INSL6: variants seen among roughly 807,000 people sequenced by gnomAD.
INSL6 encodes insulin-like peptide INSL6.
In INSL6, 16 loss-of-function variants were observed where a neutral mutation model predicts 9.4. The ratio of observed to expected loss-of-function variants is 1.70; its 90% CI spans 1.15 to 2.59. INSL6 has a LOEUF of 2.59. Ranked by LOEUF, INSL6 falls within the 30% of genes most tolerant of loss-of-function variation. The pLI, the probability that INSL6 is intolerant of heterozygous loss-of-function variation, is 0.00. For synonymous variants in INSL6, 154 were observed against 96.9 expected (o/e 1.59, Z -3.46); for missense variants, 391 against 257.3 (o/e 1.52, Z -3.56).
chr9:5,178,744 CA>C (rs903483957), intron 1 of INSL6, among the ~76,000 whole-genome samples: 1 of 152,060 alleles, frequency 6.6e-6, no homozygotes, highest in Non-Finnish European at 1.5e-5. Context: ...ACAAACCTGA[CA>C]AAAACAAGCA....
At chr9:5,087,594 C>A in the INSL6 span, among the ~76,000 whole-genome samples, 1 of 152,230 alleles carries the variant, frequency 6.6e-6, no homozygotes, top group East Asian at 1.9e-4. Context: ...TAGAGGCATT[C>A]CGAATTAAAA....
chr9:5,089,470 G>A, the INSL6 span, among the ~76,000 whole-genome samples: 18 of 150,520 alleles, frequency 1.2e-4, no homozygotes, highest in African/African-American at 2.4e-4. Flanking sequence ...CCCAGGGGGC[G>A]GAGCTTGCAG....
At chr9:5,126,948 A>G (rs1462952172) in intron 3 of INSL6, 2 of 415,994 alleles carry the variant, frequency 4.8e-6, no homozygotes, top group Non-Finnish European at 8.4e-6. Flanking sequence ...TTCAAAGTTT[A>G]GTAAGTTTTT....
intron 1 of INSL6, among the ~76,000 whole-genome samples, chr9:5,183,561 A>G (rs1360089122): frequency 1.3e-5 from 2 of 152,242 alleles, no homozygotes; most frequent in Non-Finnish European, 2.9e-5. Flanking sequence ...AACTGTCTTT[A>G]GAGCACTTTG....
intron 2 of INSL6, among the ~76,000 whole-genome samples, chr9:5,154,562 G>C (rs1176874462): frequency 6.6e-6 from 1 of 152,114 alleles, no homozygotes; most frequent in East Asian, 1.9e-4. Context: ...GAAAATTTTT[G>C]CAATCTACTC....
the INSL6 span, among the ~76,000 whole-genome samples, chr9:5,007,125 C>T: frequency 2.0e-5 from 3 of 151,764 alleles, no homozygotes; most frequent in African/African-American, 7.3e-5. Context: ...TCTCTGATTT[C>T]TGCTCTTAAG....
chr9:5,087,292 C>A, the INSL6 span, among the ~76,000 whole-genome samples: 2 of 152,138 alleles, frequency 1.3e-5, no homozygotes, highest in Non-Finnish European at 2.9e-5. Context: ...TGAGTGCCAG[C>A]AGGAGAAATG....
At chr9:5,059,936 T>A in the INSL6 span, among the ~76,000 whole-genome samples, 18 of 152,296 alleles carry the variant, frequency 1.2e-4, no homozygotes, top group African/African-American at 4.1e-4. Context: ...AGATTCTAAG[T>A]CTTTTGTAGG....
the INSL6 span, chr9:5,069,069 G>C: frequency 4.4e-6 from 7 of 1,604,804 alleles, no homozygotes; most frequent in Admixed American, 1.2e-4. Context: ...CAAAAAATGA[G>C]AATGAAGAGT....
downstream of INSL6, among the ~76,000 whole-genome samples, chr9:5,120,638 G>T (rs1420511407): frequency 6.6e-6 from 1 of 152,102 alleles, no homozygotes; most frequent in Non-Finnish European, 1.5e-5. Context: ...GTACCCATTG[G>T]ATGATCTTTG....
the INSL6 span, chr9:5,054,522 T>A: frequency 6.9e-7 from 1 of 1,441,356 alleles, no homozygotes; most frequent in Non-Finnish European, 9.4e-7. The surrounding 1 kb of genome is among the most constrained non-coding windows in gnomAD (Gnocchi z 4.9). Flanking sequence ...TTCCAATTTT[T>A]GTTTTGTTTT....
At chr9:5,126,960 T>C (rs949785584) in intron 3 of INSL6, 2 of 393,512 alleles carry the variant, frequency 5.1e-6, no homozygotes, top group Non-Finnish European at 9.0e-6. Flanking sequence ...TAAGTTTTTC[T>C]TCATGAGGCC....
the INSL6 span, chr9:5,089,532 C>T: frequency 1.0e-4 from 33 of 325,406 alleles, no homozygotes; most frequent in African/African-American, 8.9e-4. Flanking sequence ...AGCGAGACTT[C>T]GTCTCAAAAA....
At chr9:5,081,778 C>T in the INSL6 span, 890 of 1,604,920 alleles carry the variant, frequency 5.5e-4, no homozygotes, top group Non-Finnish European at 7.4e-4. Context: ...GATAGGTGCC[C>T]TGGGGTTTTC....
chr9:5,138,156 T>C (rs527448353), intron 2 of INSL6, among the ~76,000 whole-genome samples: 4 of 152,292 alleles, frequency 2.6e-5, no homozygotes, highest in East Asian at 3.9e-4. Context: ...AGTTCAACCA[T>C]TGTGGAAGAT....
the INSL6 span, among the ~76,000 whole-genome samples, chr9:5,000,152 C>T: frequency 1.3e-5 from 2 of 150,992 alleles, no homozygotes; most frequent in South Asian, 4.2e-4. Flanking sequence ...TATATTTTTT[C>T]TGTTTTTTTT....
the INSL6 span, among the ~76,000 whole-genome samples, chr9:5,063,497 C>G: frequency 6.6e-6 from 1 of 152,064 alleles, no homozygotes; most frequent in East Asian, 1.9e-4. Context: ...GTTTTCATCT[C>G]TCTTATATTG....
chr9:5,062,471 A>G, the INSL6 span, among the ~76,000 whole-genome samples: 3 of 144,368 alleles, frequency 2.1e-5, no homozygotes, highest in East Asian at 6.1e-4. Context: ...TACTTGCTCC[A>G]CTTAAGTTTG....
At chr9:5,116,157 G>A in the INSL6 span, among the ~76,000 whole-genome samples, 1 of 152,068 alleles carries the variant, frequency 6.6e-6, no homozygotes, top group Non-Finnish European at 1.5e-5. Context: ...AACCCTTGGA[G>A]AACATGTATG....
Sources: gnomAD v4.1 joint callset for allele counts (sites outside exome capture counted in the v4.1 genomes callset) on GRCh38, gnomAD v4.1.1 for gene constraint, Gnocchi (gnomAD v3.1) non-coding constraint, MANE v1.5 for transcripts, NCBI Gene and HGNC (gene_info 2026-07-23, HGNC 2026-07-21) for gene names.